NRG2: variants seen among roughly 807,000 people sequenced by gnomAD.
NRG2 encodes the protein pro-neuregulin-2, membrane-bound isoform.
NRG2 carries 27 observed loss-of-function variants against 73.9 expected under a neutral mutation model. The ratio of observed to expected loss-of-function variants is 0.37; its 90% confidence interval spans 0.27 to 0.50. The LOEUF (loss-of-function observed/expected upper bound fraction) is 0.50, where lower values mean the gene tolerates loss of function less well. Among genes scored for constraint, NRG2 ranks in the 20% least tolerant of loss-of-function variants. The pLI, the probability that NRG2 is intolerant of heterozygous loss-of-function variation, is 0.96. For synonymous variants in NRG2, 532 were observed against 541.0 expected, an observed-to-expected ratio of 0.98 and a Z score of 0.23; for missense variants, 1,126 against 1,210.1, an observed-to-expected ratio of 0.93 and a Z score of 1.03.
chr5:139,932,358 A>C (rs1752534950), intron 1 of NRG2, among the ~76,000 whole-genome samples: 1 of 152,104 alleles, frequency 6.6e-6, no homozygotes, highest in South Asian at 2.1e-4. Flanking sequence ...ATGCTAAGGG[A>C]AATAAGCCAG....
chr5:139,892,589 TGCCTGTTTCTCTTTTACAGCCCAGG>T (rs1247984462), intron 1 of NRG2, among the ~76,000 whole-genome samples: 5 of 152,092 alleles, frequency 3.3e-5, no homozygotes, highest in African/African-American at 1.2e-4. Flanking sequence ...GGTCTGGTAT[TGCCTGTTTCTCTTTTACAGCCCAGG>T]GCCCACACTA....
chr5:139,957,065 G>T (rs1318539380), intron 1 of NRG2, among the ~76,000 whole-genome samples: 1 of 152,178 alleles, frequency 6.6e-6, no homozygotes, highest in Non-Finnish European at 1.5e-5. Context: ...ATGCTGGCAT[G>T]AGCTGGTAGG....
Position 139,958,883 on chromosome 5 carries a change from G to A in NRG2, c.701-71372C>T, listed in dbSNP as rs564963215. Among the ~76,000 whole-genome samples the A allele has an allele frequency of 5.9e-4, 90 of 152,288 alleles. 1 individual carries two copies. Among genetic ancestry groups the A allele is most frequent in the African/African-American group, 2.1e-3 (89 of 41,544 alleles). ...GAGTGTTTGGGGAGACCTCAGCACT[G>A]GATTAACTTCCTCATTCCACAGATG... On this transcript the variant is annotated intron_variant, in intron 1 of 9. Coordinates refer to ENST00000361474, the MANE Select transcript of NRG2 (RefSeq NM_004883.3).
intron 1 of NRG2, among the ~76,000 whole-genome samples, chr5:139,918,535 T>C (rs1460982791): frequency 6.6e-6 from 1 of 152,140 alleles, no homozygotes; most frequent in Admixed American, 6.5e-5. Flanking sequence ...CATCTTCACA[T>C]AGCAGATGAG....
intron 1 of NRG2, among the ~76,000 whole-genome samples, chr5:140,021,769 C>A (rs963778095): frequency 2.0e-5 from 3 of 152,158 alleles, no homozygotes; most frequent in African/African-American, 7.2e-5. Flanking sequence ...GGTCTCCCAG[C>A]CTCAGCGAGG....
chr5:140,005,133 A>G (rs1045599570), intron 1 of NRG2, among the ~76,000 whole-genome samples: 6 of 152,186 alleles, frequency 3.9e-5, no homozygotes, highest in African/African-American at 1.4e-4. Context: ...AAAAATGTCT[A>G]TTAGGTCTTG....
chr5:139,967,636 C>G (rs1055402929), intron 1 of NRG2, among the ~76,000 whole-genome samples: 3 of 152,092 alleles, frequency 2.0e-5, no homozygotes. Flanking sequence ...TAGTCAGAGC[C>G]CTCAAGACTC....
chr5:139,935,406 C>T (rs529848357), intron 1 of NRG2, among the ~76,000 whole-genome samples: 3 of 152,244 alleles, frequency 2.0e-5, no homozygotes, highest in East Asian at 3.9e-4. Flanking sequence ...CACTGAAAAA[C>T]GATATATTTG....
At position 139,911,221 on chromosome 5, in the gene NRG2, C is replaced by T. The variant is rs148743142; in HGVS notation, c.701-23710G>A. 4.7e-4 allele frequency among the ~76,000 whole-genome samples: 72 copies of T among 152,188 alleles called. 1 individual carries two copies. The East Asian group carries it at 0.013, about 27-fold the overall frequency. ...GAGCAGGCTCTAATTCCAGTGTCCC[C>T]GGGGCCTGCTGTGTGCCCTTGGGTA... On this transcript the variant is annotated intron_variant, in intron 1 of 9. Coordinates refer to ENST00000361474, the MANE Select transcript of NRG2 (RefSeq NM_004883.3).
intron 1 of NRG2, among the ~76,000 whole-genome samples, chr5:139,896,299 G>A (rs1764537223): frequency 6.6e-6 from 1 of 152,150 alleles, no homozygotes; most frequent in South Asian, 2.1e-4. Flanking sequence ...AAAAGTATAA[G>A]GTTTTGAAAA....
chr5:139,929,473 T>A (rs1752300277), intron 1 of NRG2, among the ~76,000 whole-genome samples: 3 of 152,200 alleles, frequency 2.0e-5, no homozygotes, highest in Admixed American at 2.0e-4. Context: ...CAATGGCTGT[T>A]CATAGGGCTT....
In NRG2 at chr5:139,871,847, G is replaced by A; in HGVS notation, c.992-6C>T. 6.2e-7 allele frequency: 1 copy of A among 1,613,550 alleles called. No individual in the cohort carries two copies. Among genetic ancestry groups the A allele is most frequent in the Non-Finnish European group, 8.5e-7 (1 of 1,179,650 alleles). On this transcript the variant is annotated splice_polypyrimidine_tract_variant and splice_region_variant and intron_variant, in intron 3 of 9. Transcript: ENST00000361474. The stretch of plus-strand genomic sequence containing the variant: ...GGATGACAGGGTGGTGCTCACTGAG[G>A]GTATGAGAGACATGTGCCAGTGACG...
intron 1 of NRG2, among the ~76,000 whole-genome samples, chr5:139,969,075 G>A (rs1256685535): frequency 6.6e-6 from 1 of 152,246 alleles, no homozygotes; most frequent in African/African-American, 2.4e-5. Flanking sequence ...CCTAGAACAT[G>A]AAGGATATAG....
At chr5:140,041,543 A>G (rs1169345986) in intron 1 of NRG2, among the ~76,000 whole-genome samples, 1 of 152,130 alleles carries the variant, frequency 6.6e-6, no homozygotes, top group Non-Finnish European at 1.5e-5. Context: ...CATGAAGATG[A>G]GAGATGCAGT....
At chr5:139,864,756 G>GCA (rs111734532) in intron 5 of NRG2, among the ~76,000 whole-genome samples, 3,961 of 148,824 alleles carry the variant, frequency 0.027, 76 homozygotes, top group East Asian at 0.047. Context: ...AAACACGTCG[G>GCA]CACACACACA....
intron 1 of NRG2, among the ~76,000 whole-genome samples, chr5:139,995,602 C>T (rs1342723885): frequency 6.6e-6 from 1 of 152,144 alleles, no homozygotes; most frequent in Non-Finnish European, 1.5e-5. Flanking sequence ...GCCAACTTGT[C>T]TTCAGAAACT....
intron 1 of NRG2, among the ~76,000 whole-genome samples, chr5:140,030,477 C>A (rs1761048935): frequency 6.6e-6 from 1 of 152,220 alleles, no homozygotes; most frequent in Non-Finnish European, 1.5e-5. Context: ...CCCACATTGT[C>A]TGTGGGCATA....
intron 1 of NRG2, among the ~76,000 whole-genome samples, chr5:140,004,827 T>C (rs1044853400): frequency 6.6e-6 from 1 of 152,228 alleles, no homozygotes; most frequent in Non-Finnish European, 1.5e-5. Context: ...AATAGTATTG[T>C]ACCAGTGTTA....
chr5:139,915,677 T>C lies in NRG2; in HGVS notation c.701-28166A>G, dbSNP rs1344862540. On this transcript the variant is annotated intron_variant, in intron 1 of 9. Transcript: ENST00000361474. This position sits in a 1 kb window ranked among gnomAD's most constrained non-coding sequence, Gnocchi z 4.0. ...GACAACTCTGAATATTGTCATTCAATTTACAAGTAGCAGAACTGTATAGCT... is the reference window on the plus strand; with the variant it reads ...GACAACTCTGAATATTGTCATTCAACTTACAAGTAGCAGAACTGTATAGCT... 6.6e-6 allele frequency among the ~76,000 whole-genome samples: 1 copy of C among 152,258 alleles called. No homozygotes were observed. Among genetic ancestry groups the C allele is most frequent in the Non-Finnish European group, 1.5e-5 (1 of 68,032 alleles).
Sources: allele counts gnomAD v4.1 joint callset (sites outside exome capture counted in the v4.1 genomes callset), GRCh38; gene constraint gnomAD v4.1.1; non-coding constraint Gnocchi (gnomAD v3.1); transcripts MANE v1.5; gene names NCBI Gene and HGNC (gene_info 2026-07-23, HGNC 2026-07-21).